Variants in PLXNA2 observed in about 807,000 individuals in gnomAD.
PLXNA2 encodes the protein plexin-A2.
A neutral mutation model predicts 193.5 loss-of-function variants in PLXNA2; 91 were observed. That is an observed-to-expected ratio of 0.47 (90% CI 0.40 to 0.56). The LOEUF (loss-of-function observed/expected upper bound fraction) is 0.56. Among genes scored for constraint, PLXNA2 ranks in the 20% least tolerant of loss-of-function variants. The probability of loss-of-function intolerance (pLI) is 0.00; values close to 1 mark genes in which losing one functional copy is unlikely to be tolerated. For synonymous variants in PLXNA2, 997 were observed against 1,027.3 expected (o/e 0.97, Z 0.56); for missense variants, 1,995 against 2,503.2 (o/e 0.80, Z 4.33).
At chr1:208,196,820 T>A (rs1249868) in intron 3 of PLXNA2, among the ~76,000 whole-genome samples, 97,640 of 151,982 alleles carry the variant, frequency 0.64, 32,861 homozygotes, top group Non-Finnish European at 0.76. Context: ...TGGAAAATAA[T>A]GTGGTATTCA....
At chr1:208,031,374 TG>T (rs1409620470) in intron 29 of PLXNA2, 1 of 1,406,578 alleles carries the variant, frequency 7.1e-7, no homozygotes, top group Non-Finnish European at 9.3e-7. Flanking sequence ...ATCCTATTGC[TG>T]TGCCTCAAGC....
intron 3 of PLXNA2, among the ~76,000 whole-genome samples, chr1:208,179,457 G>A (rs1016578109): frequency 6.6e-6 from 1 of 152,134 alleles, no homozygotes; most frequent in African/African-American, 2.4e-5. Context: ...GACCTGTCCT[G>A]TGGTCAGGAA....
rs1419685064 is a variant in PLXNA2 at position 208,217,524 on chromosome 1, G to A, written c.399C>T (p.Tyr133=). The change falls in exon 2 of 32, where the codon TAC becomes TAT. Residue 133 remains tyrosine (Y), a synonymous_variant. Coordinates refer to ENST00000367033, the MANE Select transcript of PLXNA2 (RefSeq NM_025179.4). The surrounding 1 kb of genome is among the most constrained non-coding windows in gnomAD (Gnocchi z 4.7). ...ENRLLACGSL[Y]QGVCKLLRLD... ...GCCGCAGCAGCTTGCAGACCCCCTGGTAGAGGCTCCCACAGGCCAGCAGGC... is the reference window on the plus strand; with the variant it reads ...GCCGCAGCAGCTTGCAGACCCCCTGATAGAGGCTCCCACAGGCCAGCAGGC... The A allele has an allele frequency of 1.9e-6, 3 of 1,614,172 alleles. No homozygotes were observed. Among genetic ancestry groups the A allele is most frequent in the South Asian group, 2.2e-5 (2 of 91,076 alleles).
intron 4 of PLXNA2, among the ~76,000 whole-genome samples, chr1:208,124,643 C>A (rs1327368785): frequency 7.3e-6 from 1 of 137,122 alleles, no homozygotes; most frequent in African/African-American, 2.7e-5. Flanking sequence ...CATGTGATTG[C>A]ACTCCAGCCT....
intron 17 of PLXNA2, among the ~76,000 whole-genome samples, chr1:208,050,456 G>GT (rs1665220602): frequency 6.6e-6 from 1 of 152,206 alleles, no homozygotes; most frequent in Non-Finnish European, 1.5e-5. Context: ...CTTTTGTGCT[G>GT]TATCATAAAC....
chr1:208,188,138 G>A (rs974798187), intron 3 of PLXNA2, among the ~76,000 whole-genome samples: 4 of 152,194 alleles, frequency 2.6e-5, no homozygotes, highest in African/African-American at 9.7e-5. Flanking sequence ...GAACAAAGGA[G>A]GCAAGCTTAT....
chr1:208,178,464 C>T (rs773801658), intron 3 of PLXNA2, among the ~76,000 whole-genome samples: 13 of 152,274 alleles, frequency 8.5e-5, no homozygotes, highest in Middle Eastern at 3.4e-3. Context: ...GTCAGGCTGG[C>T]CCCAGCACCC....
rs564505456 is a variant in PLXNA2, at chr1:208,138,245, C to G, written c.1506+4084G>C. Among the ~76,000 whole-genome samples, 5 of 152,314 alleles carry G rather than the reference C, an allele frequency of 3.3e-5. No individual in the cohort carries two copies. The South Asian group carries it at 1.0e-3, about 32-fold the overall frequency. On this transcript the variant is annotated intron_variant, in intron 4 of 31. Coordinates refer to ENST00000367033, the MANE Select transcript of PLXNA2 (RefSeq NM_025179.4). ...ATCCATGCAGCCACTCTCTCCTTCA[C>G]CTTCAGTACACTCTTCAATTCATTA... is the stretch of plus-strand genomic sequence containing the variant.
intron 2 of PLXNA2, among the ~76,000 whole-genome samples, chr1:208,214,397 A>G (rs1361006843): frequency 1.3e-5 from 2 of 152,226 alleles, no homozygotes; most frequent in Non-Finnish European, 2.9e-5. Flanking sequence ...TAACTTGCCC[A>G]AAGTCACACA....
At chr1:208,138,435 A>G (rs1415954453) in intron 4 of PLXNA2, among the ~76,000 whole-genome samples, 1 of 152,248 alleles carries the variant, frequency 6.6e-6, no homozygotes, top group Non-Finnish European at 1.5e-5. Context: ...CAATATTTCC[A>G]ACCTACAATG....
In PLXNA2 at chr1:208,213,778, C is replaced by G. The variant is rs2590695; in HGVS notation, c.1188+2957G>C. 8.8e-3 allele frequency among the ~76,000 whole-genome samples: 1,335 copies of G among 152,338 alleles called. 11 individuals carry two copies. Among genetic ancestry groups the G allele is most frequent in the Non-Finnish European group, 0.012 (840 of 68,026 alleles). ...TATCAGGGTCTTTAAGGGGCCATTC[C>G]TCTTGCAGCCCTTGCACCAGAAGGG... On this transcript the variant is annotated intron_variant, in intron 2 of 31. Transcript: ENST00000367033.
chr1:208,131,156 C>T (rs1167627656), intron 4 of PLXNA2, among the ~76,000 whole-genome samples: 4 of 152,160 alleles, frequency 2.6e-5, no homozygotes, highest in Admixed American at 6.5e-5. Flanking sequence ...TGCCAAGTCC[C>T]GGCCACGCAC....
chr1:208,031,592 G>A lies in PLXNA2; in HGVS notation c.5223C>T (p.Asn1741=), dbSNP rs1366837502. The part of the protein sequence containing the change: ...DTDVRHTWKS[N]CLPLRFWVNV... ...TGCTGAGCTCCCCGAGGGTTTACCAGTTGCTTTTCCAGGTGTGCCGCACAT... is the reference window on the plus strand; with the variant it reads ...TGCTGAGCTCCCCGAGGGTTTACCAATTGCTTTTCCAGGTGTGCCGCACAT... Residue 1741 remains asparagine, a splice_region_variant and synonymous_variant, in exon 29 of 32, where the codon AAC becomes AAT. Coordinates refer to ENST00000367033, the MANE Select transcript of PLXNA2 (RefSeq NM_025179.4). 2 of 1,613,968 alleles carry A rather than the reference G, an allele frequency of 1.2e-6. No homozygotes were observed.
chr1:208,027,266 T>C lies in PLXNA2; in HGVS notation c.5662A>G (p.Asn1888Asp), dbSNP rs1315230929. Reference sequence around the variant, plus strand: ...TCTCAGCTCTCAATGGACATGGCATTAATGAGCTGCTCCACCTTATAAGCC... The same window carrying C: ...TCTCAGCTCTCAATGGACATGGCATCAATGAGCTGCTCCACCTTATAAGCC... ...RLAYKVEQLI[N>D]AMSIES The change falls in exon 32 of 32, where the codon AAT (asparagine) becomes GAT (aspartate). Residue 1888 changes from asparagine (N) to aspartate (D), a missense_variant. Physicochemically the swap from Asn to Asp is conservative, Grantham distance 23. This residue lies in a region of PLXNA2 where 1,291 missense variants were observed against 1,673.6 expected (regional missense o/e 0.77). Coordinates refer to ENST00000367033, the MANE Select transcript of PLXNA2 (RefSeq NM_025179.4). The C allele has an allele frequency of 6.2e-7, 1 of 1,613,694 alleles. No homozygotes were observed. Among genetic ancestry groups the C allele is most frequent in the African/African-American group, 1.3e-5 (1 of 74,938 alleles).
intron 3 of PLXNA2, among the ~76,000 whole-genome samples, chr1:208,163,128 G>C (rs1464298713): frequency 6.6e-6 from 1 of 152,174 alleles, no homozygotes; most frequent in Non-Finnish European, 1.5e-5. Context: ...ACTTAGGGAA[G>C]AGGGAGGGAT....
intron 4 of PLXNA2, among the ~76,000 whole-genome samples, chr1:208,119,491 G>A (rs1475992957): frequency 2.6e-5 from 4 of 152,224 alleles, no homozygotes; most frequent in Non-Finnish European, 5.9e-5. Context: ...AAGTGATACG[G>A]AAAGGTGAGT....
Position 208,025,978 on chromosome 1 carries a change from G to T in PLXNA2, c.*1265C>A, listed in dbSNP as rs1236919532. The T allele has an allele frequency of 1.3e-5, 2 of 152,624 alleles. No individual in the cohort carries two copies. Among genetic ancestry groups the T allele is most frequent in the Non-Finnish European group, 2.9e-5 (2 of 68,048 alleles). 9.5% of individuals were successfully genotyped at this position (152,624 alleles called of 1,614,324 possible). On this transcript the variant is annotated 3_prime_UTR_variant, in exon 32 of 32. Coordinates refer to ENST00000367033, the MANE Select transcript of PLXNA2 (RefSeq NM_025179.4). ...AGCTTCCGTATATGAGCGAAGGGTG[G>T]TCTCCCCTCTCCAGGCACGAGAGAA...
At chr1:208,226,515 C>G (rs1671515778) in intron 1 of PLXNA2, among the ~76,000 whole-genome samples, 1 of 152,156 alleles carries the variant, frequency 6.6e-6, no homozygotes, top group Non-Finnish European at 1.5e-5. Flanking sequence ...GTGCACTCAT[C>G]TGAGGGGCTG....
chr1:208,039,280 G>A lies in PLXNA2; in HGVS notation c.4501-296C>T, dbSNP rs372401410. ...TGAGGCACCCTCAGTGTTTAGAGAT[G>A]GCTCTACATGTATCAGAGACTAGTC... On this transcript the variant is annotated intron_variant, in intron 24 of 31. Coordinates refer to ENST00000367033, the MANE Select transcript of PLXNA2 (RefSeq NM_025179.4). Among the ~76,000 whole-genome samples, 237 of 152,244 alleles carry A rather than the reference G, an allele frequency of 1.6e-3. 4 individuals are homozygous for A. In the South Asian group the frequency reaches 0.035, roughly 22 times the overall value.
Sources: gnomAD v4.1 joint callset for allele counts (sites outside exome capture counted in the v4.1 genomes callset) on GRCh38, gnomAD v4.1.1 for gene constraint, gnomAD v4.1.1 regional missense constraint, Gnocchi (gnomAD v3.1) non-coding constraint, MANE v1.5 for transcripts, NCBI Gene and HGNC (gene_info 2026-07-23, HGNC 2026-07-21) for gene names.